Variants in GAS2 observed in about 807,000 individuals in gnomAD.
The protein encoded by GAS2 is growth arrest specific 2, also known as growth arrest-specific protein 2.
Under a neutral mutation model 37.5 loss-of-function variants are expected in GAS2, and 20 were observed. The observed-to-expected ratio is 0.53, with a 90% CI of 0.37 to 0.77. The LOEUF (loss-of-function observed/expected upper bound fraction) is 0.77, where lower values mean the gene tolerates loss of function less well. Ranked by LOEUF, GAS2 falls within the 30% of genes least tolerant of loss-of-function variation. GAS2 has a pLI of 0.00. For missense variants in GAS2, 336 were observed against 373.4 expected, an observed-to-expected ratio of 0.90 and a Z score of 0.82; for synonymous variants, 144 against 132.2, an observed-to-expected ratio of 1.09 and a Z score of -0.61.
chr11:22,650,433 T>A (rs1317042677), intron 1 of GAS2, among the ~76,000 whole-genome samples: 1 of 152,054 alleles, frequency 6.6e-6, no homozygotes, highest in Admixed American at 6.6e-5. Flanking sequence ...GTCTATTAGG[T>A]CCGTTTGGTG....
intron 7 of GAS2, among the ~76,000 whole-genome samples, chr11:22,757,638 C>T (rs1590096533): frequency 1.3e-5 from 2 of 152,126 alleles, no homozygotes; most frequent in Admixed American, 6.6e-5. Context: ...ATCATTTATT[C>T]TCTTGATTTT....
intron 6 of GAS2, among the ~76,000 whole-genome samples, chr11:22,751,890 C>T (rs1277134638): frequency 6.6e-6 from 1 of 151,998 alleles, no homozygotes; most frequent in African/African-American, 2.4e-5. Context: ...TGGTTCTCCC[C>T]TACTCCCAAA....
chr11:22,709,633 C>T (rs1013213024), intron 3 of GAS2, among the ~76,000 whole-genome samples: 1 of 152,132 alleles, frequency 6.6e-6, no homozygotes, highest in Non-Finnish European at 1.5e-5. Flanking sequence ...ACTAGAAATA[C>T]CATTTGACCC....
At chr11:22,652,594 C>T (rs998840114) in intron 1 of GAS2, among the ~76,000 whole-genome samples, 5 of 152,220 alleles carry the variant, frequency 3.3e-5, no homozygotes, top group Non-Finnish European at 7.3e-5. Flanking sequence ...GTAGGACCCT[C>T]CGAGCCAGGT....
intron 3 of GAS2, among the ~76,000 whole-genome samples, chr11:22,712,236 A>G (rs1284935072): frequency 1.3e-5 from 2 of 152,330 alleles, no homozygotes; most frequent in South Asian, 2.1e-4. Context: ...TAGCATAACC[A>G]ACATTCAAGA....
intron 3 of GAS2, among the ~76,000 whole-genome samples, chr11:22,694,518 G>A (rs1469608910): frequency 6.6e-6 from 1 of 152,286 alleles, no homozygotes; most frequent in East Asian, 1.9e-4. Context: ...GTCCCACTGA[G>A]TGACATAGTG....
chr11:22,676,756 G>A (rs1849446238), intron 2 of GAS2, among the ~76,000 whole-genome samples: 1 of 122,400 alleles, frequency 8.2e-6, no homozygotes. Context: ...TGAGTGTGAA[G>A]CAGCATAAGC....
intron 6 of GAS2, among the ~76,000 whole-genome samples, 184 bp downstream of exon 6, chr11:22,749,445 G>T (rs966096003): frequency 7.2e-5 from 11 of 151,878 alleles, no homozygotes; most frequent in African/African-American, 2.7e-4. Context: ...TGAACTAGTT[G>T]TTCAAAATAA....
At chr11:22,684,961 G>A (rs992061029) in intron 2 of GAS2, among the ~76,000 whole-genome samples, 4 of 152,106 alleles carry the variant, frequency 2.6e-5, no homozygotes, top group Non-Finnish European at 4.4e-5. Flanking sequence ...TCCCAATGGT[G>A]GTTTTTAAAA....
chr11:22,691,495 A>C (rs1404911083), intron 3 of GAS2, among the ~76,000 whole-genome samples: 4 of 152,212 alleles, frequency 2.6e-5, no homozygotes, highest in African/African-American at 9.6e-5. Context: ...TAGATGCAAT[A>C]AAAGGTTTTG....
intron 7 of GAS2, among the ~76,000 whole-genome samples, chr11:22,796,353 C>A (rs936857659): frequency 2.0e-5 from 3 of 152,090 alleles, no homozygotes; most frequent in African/African-American, 7.2e-5. Context: ...TTGACAGCTG[C>A]CATTTCAAGC....
chr11:22,789,713 C>T (rs575341591), intron 7 of GAS2, among the ~76,000 whole-genome samples: 1 of 151,720 alleles, frequency 6.6e-6, no homozygotes, highest in South Asian at 2.1e-4. Context: ...GATCCGCCCG[C>T]CTTGGCCTCC....
At chr11:22,716,728 G>A (rs1205270552) in intron 3 of GAS2, among the ~76,000 whole-genome samples, 2 of 151,716 alleles carry the variant, frequency 1.3e-5, no homozygotes, top group African/African-American at 2.4e-5. Context: ...CTGATGATAT[G>A]ATGATATACC....
At chr11:22,723,647 A>G (rs1281424393) in intron 3 of GAS2, among the ~76,000 whole-genome samples, 3 of 151,932 alleles carry the variant, frequency 2.0e-5, no homozygotes, top group Admixed American at 6.6e-5. Context: ...TATAGTTCCT[A>G]GATTATAGTT....
chr11:22,774,968 A>AAG (rs145755514), intron 7 of GAS2, among the ~76,000 whole-genome samples: 5,037 of 149,682 alleles, frequency 0.034, 249 homozygotes, highest in African/African-American at 0.12. Context: ...AGATGAGGGG[A>AAG]AGAGAGAGAG....
At chr11:22,811,730 C>T (rs979099430) in intron 7 of GAS2, 68 bp from the exon 8 acceptor site, 30 of 1,429,288 alleles carry the variant, frequency 2.1e-5, no homozygotes, top group African/African-American at 2.8e-5. Context: ...TTCACTAGAA[C>T]CAGGGGTTGA....
chr11:22,643,121 A>C (rs748790623), intron 1 of GAS2, among the ~76,000 whole-genome samples: 1 of 152,082 alleles, frequency 6.6e-6, no homozygotes, highest in Non-Finnish European at 1.5e-5. Flanking sequence ...GAAAAGTATA[A>C]AAAGCCTCCA....
chr11:22,649,754 G>A (rs1232902189), intron 1 of GAS2, among the ~76,000 whole-genome samples: 8 of 151,924 alleles, frequency 5.3e-5, no homozygotes, highest in South Asian at 2.1e-4. Context: ...CTGTGGGATC[G>A]GTGGTGATAT....
At chr11:22,770,719 T>G (rs983679012) in intron 7 of GAS2, among the ~76,000 whole-genome samples, 1 of 152,252 alleles carries the variant, frequency 6.6e-6, no homozygotes, top group Non-Finnish European at 1.5e-5. Flanking sequence ...AAAGTATATA[T>G]GTCTCAAATA....
Sources: gnomAD v4.1 joint callset for allele counts (sites outside exome capture counted in the v4.1 genomes callset) on GRCh38, gnomAD v4.1.1 for gene constraint, MANE v1.5 for transcripts, NCBI Gene and HGNC (gene_info 2026-07-23, HGNC 2026-07-21) for gene names.